Variants in CCNG1 observed in about 807,000 individuals in gnomAD.
CCNG1 encodes cyclin G1.
CCNG1 carries 13 observed loss-of-function variants against 30.0 expected under a neutral mutation model. The observed-to-expected ratio is 0.43, with a 90% CI of 0.28 to 0.69. The LOEUF (loss-of-function observed/expected upper bound fraction) is 0.69. CCNG1 is among the 30% of genes least tolerant of loss of function. The pLI, the probability that CCNG1 is intolerant of heterozygous loss-of-function variation, is 0.16. For missense variants in CCNG1, 285 were observed against 331.4 expected (o/e 0.86, Z 1.09); for synonymous variants, 110 against 121.5 (o/e 0.91, Z 0.62).
downstream of CCNG1, chr5:163,449,445 A>G (rs1401173366): frequency 6.6e-6 from 1 of 152,246 alleles, no homozygotes; most frequent in Non-Finnish European, 1.5e-5. Flanking sequence ...GAAAAATGAC[A>G]TAAAATGCTG....
chr5:163,454,809 G>C, the CCNG1 span, among the ~76,000 whole-genome samples: 1 of 152,084 alleles, frequency 6.6e-6, no homozygotes, highest in Non-Finnish European at 1.5e-5. Flanking sequence ...AGCTCCTACT[G>C]TTTGGGAGAC....
chr5:163,443,766 G>A lies in CCNG1; in HGVS notation c.*96G>A. 1.4e-6 allele frequency: 2 copies of A among 1,387,768 alleles called. No homozygotes were observed. The highest frequency in any genetic ancestry group is 2.0e-6 in the Non-Finnish European group (2 of 1,019,262). The allele number at this position is 1,387,768 out of a possible 1,614,324, so 86.0% of individuals were successfully genotyped here. On this transcript the variant is annotated 3_prime_UTR_variant, in exon 7 of 7. Transcript: ENST00000340828. ...TGTTACAATGGATTTAAGCTATGAA[G>A]CCTCAAAACATCACGAGATAAGCAT...
At chr5:163,450,861 C>T (rs1279936748), downstream of CCNG1, 4 of 152,186 alleles carry the variant, frequency 2.6e-5, no homozygotes, top group Non-Finnish European at 4.4e-5. Flanking sequence ...TTTATAGCAG[C>T]TTTAGTCAGG....
Position 163,441,350 on chromosome 5 carries a change from G to A in CCNG1, c.518+19G>A, listed in dbSNP as rs1757808505. 1.2e-6 allele frequency: 2 copies of A among 1,604,956 alleles called. No homozygotes were observed. The highest frequency in any genetic ancestry group is 4.5e-5 in the East Asian group (2 of 44,768). ...TTGAAAGGTAAGTGACCTTTGTTTTGAACAAGAGACATTTGGAAATCAGAA... is the reference window on the plus strand; with the variant it reads ...TTGAAAGGTAAGTGACCTTTGTTTTAAACAAGAGACATTTGGAAATCAGAA... On this transcript the variant is annotated intron_variant, in intron 3 of 6. Coordinates refer to ENST00000340828, the MANE Select transcript of CCNG1 (RefSeq NM_004060.4).
chr5:163,448,590 C>T (rs1758101665), downstream of CCNG1: 1 of 152,090 alleles, frequency 6.6e-6, no homozygotes, highest in African/African-American at 2.4e-5. Flanking sequence ...AAATCTCTTC[C>T]AGAAAGAATA....
chr5:163,439,217 T>TTC (rs1757672167), intron 1 of CCNG1, 40 bp from the exon 2 acceptor site: 1 of 1,572,606 alleles, frequency 6.4e-7, no homozygotes, highest in Admixed American at 1.8e-5. Context: ...CAGGAAGGAC[T>TTC]ACTCTTACAC....
chr5:163,456,187 T>C, the CCNG1 span, among the ~76,000 whole-genome samples: 1 of 152,164 alleles, frequency 6.6e-6, no homozygotes, highest in Admixed American at 6.5e-5. Context: ...GCTAGAGATA[T>C]ACATCTGGAA....
chr5:163,440,175 G>A (rs1010950962), intron 2 of CCNG1, among the ~76,000 whole-genome samples: 2 of 152,086 alleles, frequency 1.3e-5, no homozygotes, highest in South Asian at 2.1e-4. Context: ...TTTAGTCCTC[G>A]GTATCTAACA....
intron 3 of CCNG1, 170 bp from the exon 4 acceptor site, chr5:163,441,716 C>T: frequency 3.5e-6 from 2 of 579,070 alleles, no homozygotes; most frequent in Admixed American, 6.6e-5. Context: ...CATATGGTGC[C>T]TTTAGAAGTT....
At chr5:163,440,827 T>C (rs1206606441) in intron 2 of CCNG1, among the ~76,000 whole-genome samples, 2 of 152,176 alleles carry the variant, frequency 1.3e-5, no homozygotes, top group Non-Finnish European at 2.9e-5. Flanking sequence ...AAAACACACT[T>C]TTTCTATGCT....
intron 1 of CCNG1, 135 bp from the exon 2 acceptor site, chr5:163,439,122 C>T: frequency 1.4e-6 from 1 of 716,926 alleles, no homozygotes; most frequent in Non-Finnish European, 2.3e-6. Flanking sequence ...TGGCACTTTG[C>T]AATGACTTAG....
chr5:163,454,268 G>A, the CCNG1 span, among the ~76,000 whole-genome samples: 1 of 152,104 alleles, frequency 6.6e-6, no homozygotes, highest in Non-Finnish European at 1.5e-5. Context: ...CTACAATGTT[G>A]GCAAGTGTAT....
In CCNG1 at chr5:163,441,407, A is replaced by G. The variant is rs558517669; in HGVS notation, c.518+76A>G. ...TGTATGGATATTGCATAAAATCAGTATCCTCATAGAATTCTAATAAAAATA... is the reference window on the plus strand; with the variant it reads ...TGTATGGATATTGCATAAAATCAGTGTCCTCATAGAATTCTAATAAAAATA... On this transcript the variant is annotated intron_variant, in intron 3 of 6. Transcript: ENST00000340828. The G allele has an allele frequency of 9.4e-5, 123 of 1,313,080 alleles. No homozygotes were observed. The South Asian group carries it at 1.7e-3, about 18-fold the overall frequency. The allele number at this position is 1,313,080 out of a possible 1,614,324, so 81.3% of individuals were successfully genotyped here. A position where few individuals can be genotyped will look rare whatever the true frequency, so the allele number is the denominator to read the frequency against.
chr5:163,446,586 CATG>C (rs1173457317), downstream of CCNG1: 1 of 152,206 alleles, frequency 6.6e-6, no homozygotes, highest in Admixed American at 6.5e-5. Context: ...GTGCTGTCAT[CATG>C]ATCATAGAAT....
the CCNG1 span, among the ~76,000 whole-genome samples, chr5:163,454,635 C>A: frequency 1.3e-5 from 2 of 152,214 alleles, no homozygotes; most frequent in South Asian, 2.1e-4. Context: ...GCCATGGCGC[C>A]CAGCCTATAG....
At chr5:163,448,220 A>T (rs2113396943), downstream of CCNG1, 1 of 152,242 alleles carries the variant, frequency 6.6e-6, no homozygotes, top group African/African-American at 2.4e-5. Flanking sequence ...AAAGAGGCAG[A>T]AAATAAATGC....
chr5:163,443,691 A>C lies in CCNG1; in HGVS notation c.*21A>C. On this transcript the variant is annotated 3_prime_UTR_variant, in exon 7 of 7. Transcript: ENST00000340828. The stretch of plus-strand genomic sequence containing the variant: ...TTAAATAGGATTATTACAGCACCAA[A>C]AAACTTCTCTGAAGCCTTTCTCCAC... The C allele has an allele frequency of 6.5e-7, 1 of 1,530,134 alleles. No individual in the cohort carries two copies. The highest frequency in any genetic ancestry group is 2.5e-5 in the East Asian group (1 of 40,812). 94.8% of individuals were successfully genotyped at this position (1,530,134 alleles called of 1,614,324 possible).
At position 163,442,066 on chromosome 5, in the gene CCNG1, A is replaced by C; in HGVS notation, c.619A>C (p.Ile207Leu). The C allele has an allele frequency of 6.2e-7, 1 of 1,612,376 alleles. No individual in the cohort carries two copies. Among genetic ancestry groups the C allele is most frequent in the Middle Eastern group, 1.7e-4 (1 of 6,052 alleles). The change falls in exon 5 of 7, where the codon ATC becomes CTC. Residue 207 changes from isoleucine (I) to leucine (L), a missense_variant. Physicochemically the swap from Ile to Leu is conservative, Grantham distance 5. Coordinates refer to ENST00000340828, the MANE Select transcript of CCNG1 (RefSeq NM_004060.4). The part of the protein sequence containing the change: ...KAKPSVLALS[I>L]IALEIQAQKC... ...TTAGCCTTCTGTGTTGGCATTGTCT[A>C]TCATTGCATTAGAGATCCAAGCACA...
chr5:163,456,829 T>C, the CCNG1 span: 14 of 925,368 alleles, frequency 1.5e-5, no homozygotes, highest in Non-Finnish European at 2.1e-5. Flanking sequence ...AGAAAATGTT[T>C]GTAACTTTTC....
Sources: gnomAD v4.1 joint callset for allele counts (sites outside exome capture counted in the v4.1 genomes callset) on GRCh38, gnomAD v4.1.1 for gene constraint, MANE v1.5 for transcripts, NCBI Gene and HGNC (gene_info 2026-07-23, HGNC 2026-07-21) for gene names.